Variants in XKR6 observed in about 807,000 individuals in gnomAD.
XKR6 encodes the protein XK related 6.
XKR6 carries 22 observed loss-of-function variants against 56.7 expected under a neutral mutation model. That is an observed-to-expected ratio of 0.39 (90% CI 0.28 to 0.55). The LOEUF (loss-of-function observed/expected upper bound fraction) is 0.55. Among genes scored for constraint, XKR6 ranks in the 20% least tolerant of loss-of-function variants. XKR6 has a pLI of 0.66. For synonymous variants in XKR6, 524 were observed against 387.8 expected (o/e 1.35, Z -4.13); for missense variants, 852 against 889.0 (o/e 0.96, Z 0.53).
At chr8:11,048,309 G>A (rs532359848) in intron 1 of XKR6, among the ~76,000 whole-genome samples, 34 of 152,218 alleles carry the variant, frequency 2.2e-4, no homozygotes, top group Admixed American at 1.1e-3. Flanking sequence ...AAGCTGTTTA[G>A]GGCAGACGAC....
At position 10,896,213 on chromosome 8, in the gene XKR6, A is replaced by G. The variant is rs1799875910; in HGVS notation, c.*1739T>C. 1 of 152,204 alleles carries G rather than the reference A, an allele frequency of 6.6e-6. No individual in the cohort carries two copies. Among genetic ancestry groups the G allele is most frequent in the Non-Finnish European group, 1.5e-5 (1 of 67,962 alleles). 9.4% of individuals were successfully genotyped at this position (152,204 alleles called of 1,614,324 possible). A position where few individuals can be genotyped will look rare whatever the true frequency, so the allele number is the denominator to read the frequency against. On this transcript the variant is annotated 3_prime_UTR_variant, in exon 3 of 3. Transcript: ENST00000416569. The stretch of plus-strand genomic sequence containing the variant: ...GCCCTAGAACAGAAATATTCTTTAA[A>G]GGAACAATACTTTGAAAAATAAAAA...
chr8:11,170,134 G>C (rs1802294473), intron 1 of XKR6, among the ~76,000 whole-genome samples: 2 of 152,132 alleles, frequency 1.3e-5, no homozygotes, highest in South Asian at 4.1e-4. Context: ...GCTGCCCTTT[G>C]CAGCTCCTCA....
chr8:11,037,652 G>T (rs1056428476), intron 1 of XKR6, among the ~76,000 whole-genome samples: 1 of 152,218 alleles, frequency 6.6e-6, no homozygotes, highest in Non-Finnish European at 1.5e-5. Flanking sequence ...GAGGTCAAGA[G>T]ATCGAGACCA....
At chr8:11,161,842 T>A (rs931577354) in intron 1 of XKR6, among the ~76,000 whole-genome samples, 1 of 152,188 alleles carries the variant, frequency 6.6e-6, no homozygotes, top group Non-Finnish European at 1.5e-5. Flanking sequence ...AAATTCTGGT[T>A]GGCTTCACTG....
chr8:10,930,333 A>C (rs913078978), intron 1 of XKR6, among the ~76,000 whole-genome samples: 1 of 152,242 alleles, frequency 6.6e-6, no homozygotes, highest in African/African-American at 2.4e-5. Context: ...TGAGGCTTAG[A>C]GAACCCTTCT....
chr8:10,975,436 G>C (rs915214509), intron 1 of XKR6, among the ~76,000 whole-genome samples: 18 of 152,372 alleles, frequency 1.2e-4, no homozygotes, highest in Admixed American at 7.8e-4. Flanking sequence ...CAACAGCCAA[G>C]AGCCGCCTTT....
intron 1 of XKR6, among the ~76,000 whole-genome samples, chr8:11,163,759 T>C (rs1345921212): frequency 2.0e-5 from 3 of 152,194 alleles, no homozygotes; most frequent in East Asian, 1.9e-4. Flanking sequence ...CTGAGGTAAA[T>C]GTATCATTGT....
intron 1 of XKR6, among the ~76,000 whole-genome samples, chr8:11,075,890 G>C (rs188763074): frequency 3.3e-4 from 50 of 152,212 alleles, no homozygotes; most frequent in African/African-American, 1.2e-3. Context: ...CAAAAAAAAC[G>C]TAACTTGATC....
intron 1 of XKR6, among the ~76,000 whole-genome samples, chr8:11,175,836 C>G (rs1299418717): frequency 1.3e-5 from 2 of 152,154 alleles, no homozygotes; most frequent in Admixed American, 1.3e-4. Context: ...GTCAACAGTC[C>G]CCAAGGTGCT....
At chr8:11,081,142 G>A (rs1424495066) in intron 1 of XKR6, among the ~76,000 whole-genome samples, 1 of 152,168 alleles carries the variant, frequency 6.6e-6, no homozygotes, top group Non-Finnish European at 1.5e-5. Context: ...TTTTGCTAAA[G>A]CCGGATTCTG....
intron 1 of XKR6, among the ~76,000 whole-genome samples, chr8:10,973,528 G>A (rs1224365491): frequency 6.6e-6 from 1 of 152,178 alleles, no homozygotes; most frequent in Non-Finnish European, 1.5e-5. Context: ...GAAAACTGAT[G>A]CTCAGGGAAA....
In XKR6 at chr8:11,200,455, G is replaced by T. The variant is rs950335803; in HGVS notation, c.764+121C>A. Reference sequence around the variant, plus strand: ...TTTGGAGACGCCAGGGGCGGCGCGCGGCCGGTCCCTCCTTCGAGCCCCCCG... The same window carrying T: ...TTTGGAGACGCCAGGGGCGGCGCGCTGCCGGTCCCTCCTTCGAGCCCCCCG... On this transcript the variant is annotated intron_variant, in intron 1 of 2. Coordinates refer to ENST00000416569, the MANE Select transcript of XKR6 (RefSeq NM_173683.4). The surrounding 1 kb of genome is among the most constrained non-coding windows in gnomAD (Gnocchi z 6.4). 1 of 1,240,744 alleles carries T rather than the reference G, an allele frequency of 8.1e-7. No homozygotes were observed. The highest frequency in any genetic ancestry group is 1.0e-6 in the Non-Finnish European group (1 of 968,650). The allele number at this position is 1,240,744 out of a possible 1,614,324, so 76.9% of individuals were successfully genotyped here.
At chr8:10,960,213 G>GCAGGTATAGCAGGTGGGTA (rs1266213073) in intron 1 of XKR6, among the ~76,000 whole-genome samples, 37 of 151,818 alleles carry the variant, frequency 2.4e-4, no homozygotes, top group African/African-American at 8.7e-4. Context: ...GCAGGTGGGT[G>GCAGGTATAGCAGGTGGGTA]CAGGTATAGC....
chr8:11,158,315 A>C (rs1323909575), intron 1 of XKR6, among the ~76,000 whole-genome samples: 1 of 152,214 alleles, frequency 6.6e-6, no homozygotes, highest in Non-Finnish European at 1.5e-5. Flanking sequence ...AAGGATGAGA[A>C]GCACTCGCCA....
At chr8:10,934,938 C>T (rs1277067214) in intron 1 of XKR6, among the ~76,000 whole-genome samples, 1 of 108,082 alleles carries the variant, frequency 9.3e-6, no homozygotes, top group Non-Finnish European at 2.0e-5. Context: ...AGGATTCCCT[C>T]TTTTTCTATT....
intron 1 of XKR6, among the ~76,000 whole-genome samples, chr8:11,054,290 G>C (rs1799626324): frequency 6.6e-6 from 1 of 152,220 alleles, no homozygotes; most frequent in Non-Finnish European, 1.5e-5. Context: ...GGTGAAAAGA[G>C]AGAGCGCACA....
chr8:11,071,387 G>A (rs749637711), intron 1 of XKR6, among the ~76,000 whole-genome samples: 8 of 152,260 alleles, frequency 5.3e-5, no homozygotes, highest in East Asian at 1.9e-4. Context: ...TTACAGGCAC[G>A]CGCCACCATG....
intron 1 of XKR6, among the ~76,000 whole-genome samples, chr8:11,087,153 T>G (rs1484833232): frequency 1.3e-5 from 2 of 152,236 alleles, no homozygotes; most frequent in Non-Finnish European, 2.9e-5. Context: ...AGCTCACCTC[T>G]TTTCCTCCTC....
intron 1 of XKR6, among the ~76,000 whole-genome samples, chr8:11,038,837 G>A (rs1361017058): frequency 6.6e-6 from 1 of 152,160 alleles, no homozygotes; most frequent in African/African-American, 2.4e-5. Flanking sequence ...CACCGCGCCT[G>A]GCCGACTTCA....
Sources: gnomAD v4.1 joint callset for allele counts (sites outside exome capture counted in the v4.1 genomes callset) on GRCh38, gnomAD v4.1.1 for gene constraint, Gnocchi (gnomAD v3.1) non-coding constraint, MANE v1.5 for transcripts, NCBI Gene and HGNC (gene_info 2026-07-23, HGNC 2026-07-21) for gene names.